The following CDH18 variants were observed in gnomAD, a reference collection of about 807,000 sequenced individuals.
The protein encoded by CDH18 is cadherin 18.
Under a neutral mutation model 67.9 loss-of-function variants are expected in CDH18, and 31 were observed. The observed-to-expected ratio is 0.46, with a 90% CI of 0.34 to 0.62. The LOEUF (loss-of-function observed/expected upper bound fraction) is 0.62, where lower values mean the gene tolerates loss of function less well. CDH18 is among the 20% of genes least tolerant of loss of function. The probability of loss-of-function intolerance (pLI) is 0.01; values close to 1 mark genes in which losing one functional copy is unlikely to be tolerated. For synonymous variants in CDH18, 362 were observed against 347.2 expected, an observed-to-expected ratio of 1.04 and a Z score of -0.48; for missense variants, 890 against 975.5, an observed-to-expected ratio of 0.91 and a Z score of 1.17.
At chr5:20,238,610 T>C (rs1580551749) in intron 2 of CDH18, among the ~76,000 whole-genome samples, 1 of 152,248 alleles carries the variant, frequency 6.6e-6, no homozygotes, top group South Asian at 2.1e-4. Flanking sequence ...CTGGTGGAGA[T>C]GTAAAATGGT....
At chr5:20,106,007 C>T (rs1004941756) in intron 2 of CDH18, among the ~76,000 whole-genome samples, 1 of 152,116 alleles carries the variant, frequency 6.6e-6, no homozygotes, top group African/African-American at 2.4e-5. Flanking sequence ...TTCTGTCCCC[C>T]TTTTTTTCTG....
At chr5:20,492,674 C>T (rs1014034978) in intron 1 of CDH18, among the ~76,000 whole-genome samples, 3 of 152,070 alleles carry the variant, frequency 2.0e-5, no homozygotes, top group African/African-American at 7.2e-5. Flanking sequence ...AAGTTTGAGA[C>T]ATATTTAAGA....
chr5:19,652,537 A>G (rs1755728884), intron 5 of CDH18, among the ~76,000 whole-genome samples: 2 of 152,220 alleles, frequency 1.3e-5, no homozygotes, highest in South Asian at 2.1e-4. Flanking sequence ...TTTAAAAAAA[A>G]GAATTTAAGA....
At chr5:20,556,549 C>T (rs143593635) in intron 1 of CDH18, among the ~76,000 whole-genome samples, 114 of 152,272 alleles carry the variant, frequency 7.5e-4, no homozygotes, top group African/African-American at 2.6e-3. Flanking sequence ...GATGCTCACT[C>T]CTGCGTGCTC....
intron 1 of CDH18, among the ~76,000 whole-genome samples, chr5:20,460,121 G>T (rs931535139): frequency 2.0e-5 from 3 of 152,138 alleles, no homozygotes; most frequent in Admixed American, 1.3e-4. Flanking sequence ...CAGGCCGGGC[G>T]CAGTGGCTCA....
intron 3 of CDH18, among the ~76,000 whole-genome samples, chr5:19,831,209 C>G (rs1242714131): frequency 6.6e-6 from 1 of 151,970 alleles, no homozygotes; most frequent in Non-Finnish European, 1.5e-5. Flanking sequence ...TAAGCCTTGG[C>G]AAATAATTTA....
intron 6 of CDH18, among the ~76,000 whole-genome samples, chr5:19,612,121 T>A (rs775517286): frequency 4.6e-5 from 7 of 152,178 alleles, no homozygotes; most frequent in Non-Finnish European, 7.3e-5. Flanking sequence ...AACATCTCCA[T>A]GAATACTTTA....
intron 5 of CDH18, among the ~76,000 whole-genome samples, chr5:19,693,442 G>A (rs1762158325): frequency 6.6e-6 from 1 of 151,926 alleles, no homozygotes; most frequent in African/African-American, 2.4e-5. Flanking sequence ...TTTCTAATTG[G>A]GAAACATTTC....
At chr5:19,810,338 AT>A (rs1301736569) in intron 3 of CDH18, among the ~76,000 whole-genome samples, 3 of 126,432 alleles carry the variant, frequency 2.4e-5, no homozygotes, top group African/African-American at 3.0e-5. Context: ...CTCAAAAAAA[AT>A]AAAATAAAAA....
At chr5:19,750,389 T>C (rs1431782507) in intron 3 of CDH18, among the ~76,000 whole-genome samples, 5 of 152,110 alleles carry the variant, frequency 3.3e-5, no homozygotes, top group Non-Finnish European at 7.4e-5. Context: ...TTTTATTAAT[T>C]TTTGTAAGCC....
At chr5:19,640,004 A>G (rs564056246) in intron 5 of CDH18, among the ~76,000 whole-genome samples, 60 of 152,308 alleles carry the variant, frequency 3.9e-4, no homozygotes, top group African/African-American at 1.4e-3. Context: ...ACCATTCAAC[A>G]TACTATACCC....
chr5:20,551,775 T>A (rs986366417), intron 1 of CDH18, among the ~76,000 whole-genome samples: 4 of 152,214 alleles, frequency 2.6e-5, no homozygotes, highest in Admixed American at 1.3e-4. Flanking sequence ...TTTCACTTAC[T>A]AATTTGGTCA....
At chr5:19,886,606 G>A (rs1788236334) in intron 2 of CDH18, among the ~76,000 whole-genome samples, 1 of 152,076 alleles carries the variant, frequency 6.6e-6, no homozygotes, top group Admixed American at 6.6e-5. Context: ...CTCCGGTAAT[G>A]TATCTTTTAT....
intron 5 of CDH18, among the ~76,000 whole-genome samples, chr5:19,669,271 T>C (rs976020994): frequency 5.9e-5 from 8 of 135,746 alleles, no homozygotes; most frequent in Non-Finnish European, 9.0e-5. Flanking sequence ...TTATATTATA[T>C]ATTATTCTAT....
chr5:19,643,676 G>A (rs1388372280), intron 5 of CDH18, among the ~76,000 whole-genome samples: 2 of 152,106 alleles, frequency 1.3e-5, no homozygotes, highest in Non-Finnish European at 2.9e-5. Flanking sequence ...GCTGTTCACA[G>A]GTAGGTTGGG....
intron 4 of CDH18, among the ~76,000 whole-genome samples, chr5:19,722,715 T>G (rs912212269): frequency 1.3e-5 from 2 of 151,910 alleles, no homozygotes; most frequent in African/African-American, 4.8e-5. Flanking sequence ...TGATGAATCA[T>G]CTAATGGTGC....
At chr5:19,571,329 CCATT>C (rs539600375) in intron 8 of CDH18, among the ~76,000 whole-genome samples, 221 of 152,148 alleles carry the variant, frequency 1.5e-3, no homozygotes, top group African/African-American at 5.1e-3. Flanking sequence ...ACGCTCACAT[CCATT>C]AAGTCAAATG....
At chr5:19,960,828 T>C (rs116089640) in intron 2 of CDH18, among the ~76,000 whole-genome samples, 1 of 149,658 alleles carries the variant, frequency 6.7e-6, no homozygotes, top group Non-Finnish European at 1.5e-5. Flanking sequence ...CGCACACAAA[T>C]ATACATACAT....
intron 2 of CDH18, among the ~76,000 whole-genome samples, chr5:19,842,696 A>T (rs2150040875): frequency 6.6e-6 from 1 of 152,330 alleles, no homozygotes. Context: ...ACTAGATAAC[A>T]GGAAGAAGTA....
Sources: allele counts gnomAD v4.1 joint callset (sites outside exome capture counted in the v4.1 genomes callset), GRCh38; gene constraint gnomAD v4.1.1; transcripts MANE v1.5; gene names NCBI Gene and HGNC (gene_info 2026-07-23, HGNC 2026-07-21).